DDX10: variants seen among roughly 807,000 people sequenced by gnomAD.
The protein encoded by DDX10 is DEAD-box helicase 10.
DDX10 carries 74 observed loss-of-function variants against 104.3 expected under a neutral mutation model. The observed-to-expected ratio is 0.71, with a 90% CI of 0.59 to 0.86. The LOEUF is 0.86. DDX10 is among the 40% of genes least tolerant of loss of function. The probability of loss-of-function intolerance (pLI) is 0.00; values close to 1 mark genes in which losing one functional copy is unlikely to be tolerated. For synonymous variants in DDX10, 351 were observed against 353.4 expected, an observed-to-expected ratio of 0.99 and a Z score of 0.08; for missense variants, 952 against 1,040.0, an observed-to-expected ratio of 0.92 and a Z score of 1.16.
intron 1 of DDX10, among the ~76,000 whole-genome samples, chr11:108,666,779 G>A (rs969255432): frequency 1.3e-5 from 2 of 152,128 alleles, no homozygotes; most frequent in Non-Finnish European, 2.9e-5. Context: ...AGATAATCCA[G>A]GATAATCACC....
At chr11:108,681,624 C>G (rs1014750381) in intron 6 of DDX10, among the ~76,000 whole-genome samples, 7 of 152,282 alleles carry the variant, frequency 4.6e-5, no homozygotes, top group Middle Eastern at 3.4e-3. Flanking sequence ...AAAATTAGAT[C>G]TTTCTGAAGT....
chr11:108,832,027 A>T (rs1016729073), intron 13 of DDX10, among the ~76,000 whole-genome samples: 1 of 152,184 alleles, frequency 6.6e-6, no homozygotes, highest in African/African-American at 2.4e-5. Context: ...GATGTTTTAC[A>T]TATTGTCAGC....
At chr11:108,890,027 G>A (rs1863354721) in intron 16 of DDX10, among the ~76,000 whole-genome samples, 1 of 152,120 alleles carries the variant, frequency 6.6e-6, no homozygotes, top group Non-Finnish European at 1.5e-5. Context: ...ACTTGATATA[G>A]GACCAGATAA....
At chr11:108,790,110 T>C (rs1273440864) in intron 13 of DDX10, among the ~76,000 whole-genome samples, 1 of 152,208 alleles carries the variant, frequency 6.6e-6, no homozygotes, top group East Asian at 1.9e-4. Flanking sequence ...GGTCATTTGG[T>C]AACCAAATAA....
chr11:108,816,310 C>T (rs188368999), intron 13 of DDX10, among the ~76,000 whole-genome samples: 227 of 152,254 alleles, frequency 1.5e-3, no homozygotes, highest in African/African-American at 5.1e-3. Context: ...ATGTCCTGAG[C>T]CTGTTCTACT....
chr11:108,687,045 A>G (rs762275273), intron 6 of DDX10, among the ~76,000 whole-genome samples: 20 of 152,140 alleles, frequency 1.3e-4, no homozygotes, highest in Non-Finnish European at 2.2e-4. Flanking sequence ...TCAGCCTCCC[A>G]AAGTGCTGGG....
intron 4 of DDX10, among the ~76,000 whole-genome samples, 172 bp from the exon 5 acceptor site, chr11:108,678,143 T>G (rs2094228635): frequency 6.6e-6 from 1 of 152,226 alleles, no homozygotes; most frequent in Admixed American, 6.5e-5. Flanking sequence ...AGACTTTTAT[T>G]TAGCCCAGAA....
chr11:108,912,006 GTA>G (rs1863687354), intron 16 of DDX10, among the ~76,000 whole-genome samples: 1 of 152,246 alleles, frequency 6.6e-6, no homozygotes, highest in South Asian at 2.1e-4. Flanking sequence ...AAGCTTCTGT[GTA>G]TATTCTCTTA....
intron 13 of DDX10, among the ~76,000 whole-genome samples, chr11:108,823,021 C>T (rs1409334522): frequency 2.6e-5 from 4 of 152,130 alleles, no homozygotes; most frequent in Non-Finnish European, 4.4e-5. Flanking sequence ...TATGTGATCT[C>T]GAAATTGTCT....
chr11:108,718,125 A>G (rs1217036009), intron 11 of DDX10, among the ~76,000 whole-genome samples: 1 of 152,030 alleles, frequency 6.6e-6, no homozygotes, highest in Non-Finnish European at 1.5e-5. Context: ...AGATTGTGCC[A>G]TTGCACTGCA....
intron 16 of DDX10, among the ~76,000 whole-genome samples, chr11:108,911,070 A>C (rs971252957): frequency 2.0e-5 from 3 of 152,094 alleles, no homozygotes; most frequent in Non-Finnish European, 4.4e-5. Context: ...CTCTTGATTG[A>C]CTGCTCCCCA....
intron 13 of DDX10, among the ~76,000 whole-genome samples, chr11:108,777,796 C>T (rs571539548): frequency 2.1e-4 from 32 of 152,284 alleles, no homozygotes; most frequent in African/African-American, 7.2e-4. Flanking sequence ...TAGAAAACCT[C>T]ATCGTCTCAG....
At chr11:108,775,735 A>C (rs1021728364) in intron 13 of DDX10, among the ~76,000 whole-genome samples, 2 of 152,182 alleles carry the variant, frequency 1.3e-5, no homozygotes, top group African/African-American at 4.8e-5. Flanking sequence ...TTAGTACAAT[A>C]AGTTAAATTT....
At chr11:108,670,801 T>G (rs2094215972) in intron 1 of DDX10, among the ~76,000 whole-genome samples, 1 of 150,278 alleles carries the variant, frequency 6.7e-6, no homozygotes, top group Admixed American at 6.6e-5. Context: ...AAATCCTGAT[T>G]TTTTTTTTTT....
chr11:108,918,040 G>A (rs759697223), intron 17 of DDX10, 22 bp downstream of exon 17: 1 of 1,601,104 alleles, frequency 6.2e-7, no homozygotes, highest in Non-Finnish European at 8.6e-7. Context: ...CTATGGGTAT[G>A]AAATACATAC....
At chr11:108,916,247 T>C (rs1863749146) in intron 16 of DDX10, among the ~76,000 whole-genome samples, 1 of 152,090 alleles carries the variant, frequency 6.6e-6, no homozygotes, top group East Asian at 1.9e-4. Flanking sequence ...TAGAAATATC[T>C]TGTAGCTCAG....
At chr11:108,777,892 C>T (rs1033842632) in intron 13 of DDX10, among the ~76,000 whole-genome samples, 2 of 152,270 alleles carry the variant, frequency 1.3e-5, no homozygotes, top group South Asian at 4.1e-4. Context: ...CATTCCTATA[C>T]ACCAATAACA....
At chr11:108,676,376 A>AG in intron 3 of DDX10, among the ~76,000 whole-genome samples, 1 of 152,176 alleles carries the variant, frequency 6.6e-6, no homozygotes, top group East Asian at 1.9e-4. Context: ...TTAAAAAAAA[A>AG]GGCTCCCTAT....
intron 9 of DDX10, among the ~76,000 whole-genome samples, chr11:108,700,920 A>C (rs2094266938): frequency 6.6e-6 from 1 of 150,630 alleles, no homozygotes; most frequent in South Asian, 2.1e-4. Flanking sequence ...AATGATTTCT[A>C]CCCTTTCTCT....
Sources: allele counts gnomAD v4.1 joint callset (sites outside exome capture counted in the v4.1 genomes callset), GRCh38; gene constraint gnomAD v4.1.1; transcripts MANE v1.5; gene names NCBI Gene and HGNC (gene_info 2026-07-23, HGNC 2026-07-21).